The following POC1B variants were observed in gnomAD, a reference collection of about 807,000 sequenced individuals.
POC1B encodes the protein POC1 centriolar protein B.
In POC1B, 44 loss-of-function variants were observed where a neutral mutation model predicts 60.6. The ratio of observed to expected loss-of-function variants is 0.73; its 90% confidence interval spans 0.57 to 0.93. The LOEUF (loss-of-function observed/expected upper bound fraction) is 0.93. POC1B is among the 40% of genes least tolerant of loss of function. The pLI is 0.00. For missense variants in POC1B, 555 were observed against 572.3 expected (o/e 0.97, Z 0.31); for synonymous variants, 180 against 198.9 (o/e 0.90, Z 0.80).
chr12:89,523,668 C>T, intron 2 of POC1B: 1 of 1,538,170 alleles, frequency 6.5e-7, no homozygotes, highest in Non-Finnish European at 8.7e-7. Context: ...TCCGCCTGTC[C>T]CTTTCCTGTT....
intron 9 of POC1B, among the ~76,000 whole-genome samples, chr12:89,462,511 A>G (rs2120814492): frequency 6.6e-6 from 1 of 152,300 alleles, no homozygotes; most frequent in South Asian, 2.1e-4. Flanking sequence ...TAAAACCTCT[A>G]CTAATAAATT....
intron 4 of POC1B, among the ~76,000 whole-genome samples, chr12:89,478,967 G>T (rs937304724): frequency 2.6e-5 from 4 of 152,124 alleles, no homozygotes; most frequent in Non-Finnish European, 5.9e-5. Flanking sequence ...AAAACAAAGG[G>T]CTATACTAAT....
chr12:89,507,502 G>A (rs981714317), intron 2 of POC1B, among the ~76,000 whole-genome samples: 1 of 152,052 alleles, frequency 6.6e-6, no homozygotes, highest in African/African-American at 2.4e-5. Flanking sequence ...AAATGTCAAA[G>A]CTTGTACCAT....
chr12:89,500,609 G>A (rs1869508540), intron 2 of POC1B: 1 of 1,597,126 alleles, frequency 6.3e-7, no homozygotes, highest in Non-Finnish European at 8.6e-7. Context: ...ATCGCAAAAT[G>A]TTATTCCATC....
chr12:89,509,532 T>A (rs1188270656), intron 2 of POC1B, among the ~76,000 whole-genome samples: 1 of 152,158 alleles, frequency 6.6e-6, no homozygotes, highest in Non-Finnish European at 1.5e-5. Context: ...GGTGTGTCAG[T>A]GAACAGAGCT....
intron 9 of POC1B, chr12:89,461,936 C>T (rs746406123): frequency 5.9e-5 from 9 of 152,036 alleles, no homozygotes; most frequent in East Asian, 1.9e-4. Flanking sequence ...TGCTTGCATA[C>T]GTTTTATTCT....
intron 4 of POC1B, among the ~76,000 whole-genome samples, chr12:89,473,183 C>T (rs1882969846): frequency 6.6e-6 from 1 of 152,138 alleles, no homozygotes; most frequent in Non-Finnish European, 1.5e-5. Context: ...TCCCTCTATG[C>T]CCACAGTAAA....
the POC1B span, among the ~76,000 whole-genome samples, chr12:89,414,024 T>C: frequency 6.6e-6 from 1 of 152,188 alleles, no homozygotes; most frequent in East Asian, 1.9e-4. Flanking sequence ...CCCAGGTAGC[T>C]GGGATTACAG....
rs1869800327 is a variant in POC1B at position 89,504,542 on chromosome 12, A to G, written c.101-7200T>C. 2.0e-5 allele frequency among the ~76,000 whole-genome samples: 3 copies of G among 151,766 alleles called. No individual in the cohort carries two copies. In the South Asian group the frequency reaches 6.2e-4, roughly 31 times the overall value. On this transcript the variant is annotated intron_variant, in intron 2 of 11. Transcript: ENST00000313546. Reference sequence around the variant, plus strand: ...TTGTTTATCTGCTGACCTTCCCTCCACTATTGTCCTATGACCCTGCCAAAT... The same window carrying G: ...TTGTTTATCTGCTGACCTTCCCTCCGCTATTGTCCTATGACCCTGCCAAAT...
At chr12:89,449,221 T>C (rs1881931781) in intron 10 of POC1B, among the ~76,000 whole-genome samples, 1 of 152,188 alleles carries the variant, frequency 6.6e-6, no homozygotes, top group South Asian at 2.1e-4. Flanking sequence ...CCTTGCTGTG[T>C]GTCTGTGAGG....
chr12:89,436,007 C>T (rs748653634), intron 10 of POC1B, among the ~76,000 whole-genome samples: 2 of 151,238 alleles, frequency 1.3e-5, no homozygotes, highest in Non-Finnish European at 2.9e-5. Context: ...TGTAGTGGCA[C>T]GATCTCGACT....
chr12:89,414,805 T>G (rs1231772120), downstream of POC1B, among the ~76,000 whole-genome samples: 1 of 152,214 alleles, frequency 6.6e-6, no homozygotes, highest in African/African-American at 2.4e-5. Context: ...CAGGAACAGA[T>G]AGTTTATCTT....
intron 10 of POC1B, among the ~76,000 whole-genome samples, chr12:89,448,922 T>C (rs925432395): frequency 1.3e-5 from 2 of 152,194 alleles, no homozygotes; most frequent in African/African-American, 4.8e-5. Context: ...CAAACATTGG[T>C]TGACTCAAGG....
intron 10 of POC1B, among the ~76,000 whole-genome samples, chr12:89,458,764 T>C (rs1203546996): frequency 6.6e-6 from 1 of 152,138 alleles, no homozygotes; most frequent in Admixed American, 6.5e-5. Flanking sequence ...TAAACTGACA[T>C]CATAGCAGTA....
intron 2 of POC1B, among the ~76,000 whole-genome samples, chr12:89,515,285 G>GTATT (rs1173538100): frequency 6.6e-6 from 1 of 151,874 alleles, no homozygotes; most frequent in South Asian, 2.1e-4. Context: ...ATATATCATT[G>GTATT]TATTTATTTA....
intron 2 of POC1B, chr12:89,501,166 G>A (rs1425475477): frequency 1.7e-5 from 24 of 1,428,736 alleles, no homozygotes; most frequent in Non-Finnish European, 2.4e-5. Context: ...TAATATATTA[G>A]CTAAGACTTT....
chr12:89,455,754 T>C (rs922196430), intron 10 of POC1B, among the ~76,000 whole-genome samples: 23 of 152,362 alleles, frequency 1.5e-4, no homozygotes, highest in African/African-American at 5.0e-4. Flanking sequence ...CATACACATA[T>C]TCTGCATTAT....
At chr12:89,515,528 CA>C (rs1467282165) in intron 2 of POC1B, among the ~76,000 whole-genome samples, 2 of 152,074 alleles carry the variant, frequency 1.3e-5, no homozygotes, top group East Asian at 1.9e-4. Flanking sequence ...ATAGAGTGAT[CA>C]GGGGCATTTT....
intron 4 of POC1B, among the ~76,000 whole-genome samples, chr12:89,481,958 A>G (rs1429872152): frequency 6.6e-6 from 1 of 152,150 alleles, no homozygotes; most frequent in East Asian, 1.9e-4. Context: ...GGCAAGCAGA[A>G]AGTTAATTTC....
Sources: gnomAD v4.1 joint callset for allele counts (sites outside exome capture counted in the v4.1 genomes callset) on GRCh38, gnomAD v4.1.1 for gene constraint, MANE v1.5 for transcripts, NCBI Gene and HGNC (gene_info 2026-07-23, HGNC 2026-07-21) for gene names.